ERGIC1: variants seen among roughly 807,000 people sequenced by gnomAD.
ERGIC1 encodes the protein endoplasmic reticulum-Golgi intermediate compartment protein 1.
ERGIC1 carries 19 observed loss-of-function variants against 38.3 expected under a neutral mutation model. That is an observed-to-expected ratio of 0.50 (90% CI 0.35 to 0.73). The LOEUF (loss-of-function observed/expected upper bound fraction) is 0.73. Ranked by LOEUF, ERGIC1 falls within the 30% of genes least tolerant of loss-of-function variation. The pLI is 0.01. For synonymous variants in ERGIC1, 124 were observed against 157.6 expected, an observed-to-expected ratio of 0.79 and a Z score of 1.60; for missense variants, 294 against 389.2, an observed-to-expected ratio of 0.76 and a Z score of 2.06.
chr5:172,853,420 C>T (rs890470346), intron 1 of ERGIC1, among the ~76,000 whole-genome samples: 1 of 152,230 alleles, frequency 6.6e-6, no homozygotes, highest in African/African-American at 2.4e-5. Context: ...TCAGTGGAGC[C>T]TTCTGCCAGG....
chr5:172,947,876 T>TGTGTGTGTG (rs1764156910), intron 9 of ERGIC1, among the ~76,000 whole-genome samples: 2 of 145,728 alleles, frequency 1.4e-5, no homozygotes, highest in African/African-American at 5.1e-5. Flanking sequence ...CAGATGTGTT[T>TGTGTGTGTG]TGTGTGTGTG....
intron 8 of ERGIC1, 188 bp from the exon 9 acceptor site, chr5:172,935,000 C>T (rs1763855957): frequency 4.0e-6 from 3 of 751,910 alleles, no homozygotes; most frequent in Non-Finnish European, 6.6e-6. Context: ...AAATGCCCAG[C>T]TGTGCACGGC....
intron 3 of ERGIC1, among the ~76,000 whole-genome samples, chr5:172,905,772 T>C (rs968810788): frequency 6.6e-6 from 1 of 152,076 alleles, no homozygotes. Flanking sequence ...GTTGCAAGAC[T>C]TAATAGAGTG....
At chr5:172,870,450 A>T (rs1414828520) in intron 1 of ERGIC1, among the ~76,000 whole-genome samples, 1 of 152,084 alleles carries the variant, frequency 6.6e-6, no homozygotes, top group Non-Finnish European at 1.5e-5. Flanking sequence ...TCTGTCCCAC[A>T]TGTAAGGCCT....
intron 7 of ERGIC1, among the ~76,000 whole-genome samples, chr5:172,931,696 A>T (rs1373633761): frequency 6.6e-6 from 1 of 152,136 alleles, no homozygotes; most frequent in Non-Finnish European, 1.5e-5. Flanking sequence ...CCAGAAGCTA[A>T]AGCTGCCCGT....
At chr5:172,896,942 G>T in intron 2 of ERGIC1, 60 bp from the exon 3 acceptor site, 2 of 1,504,806 alleles carry the variant, frequency 1.3e-6, no homozygotes, top group Non-Finnish European at 1.8e-6. Context: ...CCTCTAGGCT[G>T]GTCTCCCTTC....
intron 2 of ERGIC1, among the ~76,000 whole-genome samples, chr5:172,893,905 A>ATATATATATGTG (rs1173039695): frequency 8.4e-4 from 13 of 15,530 alleles, no homozygotes; most frequent in Non-Finnish European, 1.3e-3. Context: ...ATATATATAT[A>ATATATATATGTG]TGTGTGTGTG....
intron 4 of ERGIC1, among the ~76,000 whole-genome samples, chr5:172,910,520 CTTTTTTT>C (rs58360974): frequency 1.4e-5 from 2 of 139,010 alleles, no homozygotes; most frequent in Non-Finnish European, 3.1e-5. Flanking sequence ...TGAATTACTT[CTTTTTTT>C]TTTTTTTTTT....
rs370421586 is a variant in ERGIC1, at chr5:172,854,620, C to T, written c.20+20187C>T. On this transcript the variant is annotated intron_variant, in intron 1 of 9. Coordinates refer to ENST00000393784, the MANE Select transcript of ERGIC1 (RefSeq NM_001031711.3). ...GTGTGGGTGAGTGTGGGTGTGTGGGCGTGTGTGCCCTGCGATGGGAGGGCG... is the reference window on the plus strand; with the variant it reads ...GTGTGGGTGAGTGTGGGTGTGTGGGTGTGTGTGCCCTGCGATGGGAGGGCG... Among the ~76,000 whole-genome samples, 13 of 152,302 alleles carry T rather than the reference C, an allele frequency of 8.5e-5. No individual in the cohort carries two copies. In the South Asian group the frequency reaches 2.5e-3, roughly 29 times the overall value.
At chr5:172,939,325 T>G (rs1204729711) in intron 9 of ERGIC1, among the ~76,000 whole-genome samples, 3 of 152,162 alleles carry the variant, frequency 2.0e-5, no homozygotes, top group Non-Finnish European at 4.4e-5. Flanking sequence ...CCCCTTTGTT[T>G]GGGAAGCTCT....
chr5:172,860,691 G>C (rs1471250309), intron 1 of ERGIC1, among the ~76,000 whole-genome samples: 1 of 152,238 alleles, frequency 6.6e-6, no homozygotes, highest in East Asian at 1.9e-4. Flanking sequence ...CCAAGCATGG[G>C]TCCTGGGGTC....
chr5:172,925,384 A>G (rs768873580), intron 6 of ERGIC1, among the ~76,000 whole-genome samples: 10 of 152,254 alleles, frequency 6.6e-5, no homozygotes, highest in Non-Finnish European at 1.2e-4. Context: ...TCACACGGTC[A>G]GTCTCAAGAC....
At chr5:172,881,833 G>A (rs1762291749) in intron 1 of ERGIC1, among the ~76,000 whole-genome samples, 1 of 152,208 alleles carries the variant, frequency 6.6e-6, no homozygotes, top group Non-Finnish European at 1.5e-5. Flanking sequence ...CATGCTGGTC[G>A]AAGGCCTCTG....
chr5:172,890,488 T>G (rs1215544170), intron 2 of ERGIC1, among the ~76,000 whole-genome samples: 2 of 152,210 alleles, frequency 1.3e-5, no homozygotes, highest in African/African-American at 4.8e-5. Flanking sequence ...TTTTGACAAA[T>G]GTAAGATGCT....
At chr5:172,859,151 C>T (rs572121968) in intron 1 of ERGIC1, among the ~76,000 whole-genome samples, 1 of 152,254 alleles carries the variant, frequency 6.6e-6, no homozygotes, top group South Asian at 2.1e-4. Context: ...TCATGTCGTT[C>T]CCTGTGCATG....
intron 1 of ERGIC1, among the ~76,000 whole-genome samples, chr5:172,845,044 A>T (rs56412593): frequency 6.6e-6 from 1 of 151,578 alleles, no homozygotes; most frequent in Non-Finnish European, 1.5e-5. Flanking sequence ...AGGGGTATAT[A>T]GGGGGGACAG....
chr5:172,896,858 C>T, intron 2 of ERGIC1, 144 bp from the exon 3 acceptor site: 1 of 691,016 alleles, frequency 1.4e-6, no homozygotes, highest in Admixed American at 2.9e-5. Flanking sequence ...CATATTGAGG[C>T]TCGAGTCAGA....
rs149124852 is a variant in ERGIC1, at chr5:172,905,659, G to A, written c.156-4008G>A. Among the ~76,000 whole-genome samples the A allele has an allele frequency of 2.8e-3, 425 of 152,330 alleles. 1 individual carries two copies. The highest frequency in any genetic ancestry group is 0.011 in the South Asian group (53 of 4,832). On this transcript the variant is annotated intron_variant, in intron 3 of 9. Transcript: ENST00000393784. ...GAATAAGCACAGCGGACACCCTGCC[G>A]GATCCAGAGGGGTGGAAGTCAGCGG...
intron 1 of ERGIC1, among the ~76,000 whole-genome samples, chr5:172,862,984 C>T (rs1171486045): frequency 6.6e-6 from 1 of 152,280 alleles, no homozygotes; most frequent in Admixed American, 6.5e-5. Context: ...TTTATTTATA[C>T]GCACATATAT....
Sources: gnomAD v4.1 joint callset for allele counts (sites outside exome capture counted in the v4.1 genomes callset) on GRCh38, gnomAD v4.1.1 for gene constraint, MANE v1.5 for transcripts, NCBI Gene and HGNC (gene_info 2026-07-23, HGNC 2026-07-21) for gene names.